Variants in INPP4B observed in about 807,000 individuals in gnomAD.
INPP4B encodes the protein inositol polyphosphate 4-phosphatase type II.
INPP4B carries 55 observed loss-of-function variants against 122.5 expected under a neutral mutation model. That is an observed-to-expected ratio of 0.45 (90% confidence interval 0.36 to 0.56). The LOEUF (loss-of-function observed/expected upper bound fraction) is 0.56. INPP4B is among the 20% of genes least tolerant of loss of function. The pLI, the probability that INPP4B is intolerant of heterozygous loss-of-function variation, is 0.00. For synonymous variants in INPP4B, 403 were observed against 388.7 expected, an observed-to-expected ratio of 1.04 and a Z score of -0.43; for missense variants, 1,000 against 1,097.7, an observed-to-expected ratio of 0.91 and a Z score of 1.26.
chr4:142,281,093 A>G (rs1750978397), intron 9 of INPP4B, among the ~76,000 whole-genome samples: 1 of 148,642 alleles, frequency 6.7e-6, no homozygotes, highest in Non-Finnish European at 1.5e-5. Context: ...CTTTTTGTTA[A>G]GTTCATTTAT....
chr4:142,390,412 A>G (rs1797289830), intron 7 of INPP4B, among the ~76,000 whole-genome samples: 1 of 152,182 alleles, frequency 6.6e-6, no homozygotes, highest in East Asian at 1.9e-4. Flanking sequence ...TTTTGGCTAA[A>G]TGAATGACTT....
chr4:142,073,803 G>C (rs1209297350), intron 25 of INPP4B, among the ~76,000 whole-genome samples: 1 of 152,014 alleles, frequency 6.6e-6, no homozygotes, highest in Non-Finnish European at 1.5e-5. Flanking sequence ...TGGCATAACT[G>C]CTCTCCATAG....
intron 2 of INPP4B, among the ~76,000 whole-genome samples, chr4:142,488,806 G>C (rs908824658): frequency 6.6e-6 from 1 of 151,742 alleles, no homozygotes; most frequent in Admixed American, 6.6e-5. Flanking sequence ...CCTTCTGATT[G>C]ATCTTTTGAA....
intron 2 of INPP4B, among the ~76,000 whole-genome samples, chr4:142,493,838 G>A (rs995523404): frequency 6.6e-6 from 1 of 152,098 alleles, no homozygotes; most frequent in African/African-American, 2.4e-5. Context: ...TGAAATGTAA[G>A]GAAATGAGAA....
intron 16 of INPP4B, among the ~76,000 whole-genome samples, chr4:142,169,756 CA>C (rs1824625439): frequency 6.6e-6 from 1 of 151,588 alleles, no homozygotes; most frequent in African/African-American, 2.4e-5. Flanking sequence ...TAAAACACCC[CA>C]TTCTTTTAAA....
chr4:142,300,081 A>T (rs1345182506), intron 9 of INPP4B, among the ~76,000 whole-genome samples: 6 of 152,216 alleles, frequency 3.9e-5, no homozygotes, highest in Admixed American at 3.9e-4. Flanking sequence ...TTCATTTGAA[A>T]ACAAAATTTG....
chr4:142,828,540 ATCT>A (rs1781723480), intron 1 of INPP4B, among the ~76,000 whole-genome samples: 1 of 151,432 alleles, frequency 6.6e-6, no homozygotes, highest in Non-Finnish European at 1.5e-5. Context: ...AGTCCATGAT[ATCT>A]TACAGAAAAA....
intron 1 of INPP4B, among the ~76,000 whole-genome samples, chr4:142,737,406 T>C (rs1388988854): frequency 5.3e-5 from 8 of 152,074 alleles, no homozygotes; most frequent in South Asian, 2.1e-4. Context: ...ACTGGCTAGC[T>C]ATATGTAGAA....
intron 3 of INPP4B, among the ~76,000 whole-genome samples, chr4:142,459,751 C>G (rs1466955823): frequency 6.6e-6 from 1 of 152,078 alleles, no homozygotes; most frequent in Non-Finnish European, 1.5e-5. Context: ...CTATCTGCGT[C>G]CTAGCACTGT....
At position 142,789,173 on chromosome 4, in the gene INPP4B, C is replaced by G. The variant is rs376313811; in HGVS notation, c.-254+57036G>C. The stretch of plus-strand genomic sequence containing the variant: ...AAAGCATTCCCTCTGAGAACTGGAA[C>G]AAGATAAGGATGGCCACTCTCATCA... On this transcript the variant is annotated intron_variant, in intron 1 of 25. Coordinates refer to ENST00000262992, the MANE Select transcript of INPP4B (RefSeq NM_001101669.3). 2.0e-5 allele frequency among the ~76,000 whole-genome samples: 3 copies of G among 152,052 alleles called. No individual in the cohort carries two copies. The East Asian group carries it at 5.8e-4, about 29-fold the overall frequency.
chr4:142,123,214 G>C (rs1419530999), intron 20 of INPP4B, 78 bp downstream of exon 20: 4 of 1,230,214 alleles, frequency 3.3e-6, no homozygotes, highest in African/African-American at 1.5e-5. Flanking sequence ...TTATTTTTAT[G>C]TTTTCTTGAA....
At chr4:142,619,821 A>G (rs926721080) in intron 2 of INPP4B, among the ~76,000 whole-genome samples, 2 of 152,010 alleles carry the variant, frequency 1.3e-5, no homozygotes, top group African/African-American at 2.4e-5. Context: ...TAGAGATTAT[A>G]TCTCAGGAGT....
chr4:142,240,262 A>G (rs1418518709), intron 11 of INPP4B, among the ~76,000 whole-genome samples: 1 of 151,576 alleles, frequency 6.6e-6, no homozygotes, highest in Admixed American at 6.6e-5. Flanking sequence ...CTTAAACTCC[A>G]AACTCCTGGG....
chr4:142,787,453 C>G (rs75100365), intron 1 of INPP4B, among the ~76,000 whole-genome samples: 190 of 152,228 alleles, frequency 1.2e-3, no homozygotes, highest in African/African-American at 4.5e-3. Flanking sequence ...CACCTTTATA[C>G]TGGATTGCCC....
At chr4:142,423,867 C>T in intron 5 of INPP4B, 1 of 415,172 alleles carries the variant, frequency 2.4e-6, no homozygotes, top group Admixed American at 3.0e-5. Flanking sequence ...ACCACTCTTC[C>T]CAAAGGATCA....
rs35788366 is a variant in INPP4B at position 142,550,620 on chromosome 4, ATTTTT to A, written c.-190-87899_-190-87895del. 7.2e-3 allele frequency among the ~76,000 whole-genome samples: 663 copies of A among 92,528 alleles called. 8 individuals are homozygous for A. Among genetic ancestry groups the A allele is most frequent in the African/African-American group, 0.013 (401 of 30,492 alleles). The allele number at this position is 92,528 out of a possible 152,430, so 60.7% of individuals were successfully genotyped here. On this transcript the variant is annotated intron_variant, in intron 2 of 25. Coordinates refer to ENST00000262992, the MANE Select transcript of INPP4B (RefSeq NM_001101669.3). ...CACACACACACATATATATATATATATTTTTTTTTTTACTTTACTGGCAAGAAACT... is the reference window on the plus strand; with the variant it reads ...CACACACACACATATATATATATATATTTTTTACTTTACTGGCAAGAAACT...
At chr4:142,087,475 C>G (rs1777415894) in intron 23 of INPP4B, among the ~76,000 whole-genome samples, 1 of 152,062 alleles carries the variant, frequency 6.6e-6, no homozygotes, top group Non-Finnish European at 1.5e-5. Context: ...GTGATAGAAA[C>G]AAAAAGACTG....
intron 7 of INPP4B, among the ~76,000 whole-genome samples, chr4:142,344,476 G>A (rs778131753): frequency 3.3e-5 from 5 of 151,918 alleles, no homozygotes. Context: ...AGCAAAGTCC[G>A]AGTTGACAGT....
At chr4:142,739,883 T>C (rs1358023157) in intron 1 of INPP4B, among the ~76,000 whole-genome samples, 1 of 152,062 alleles carries the variant, frequency 6.6e-6, no homozygotes, top group African/African-American at 2.4e-5. Context: ...TTCACATATA[T>C]ATTATTGCTC....
Sources: allele counts gnomAD v4.1 joint callset (sites outside exome capture counted in the v4.1 genomes callset), GRCh38; gene constraint gnomAD v4.1.1; transcripts MANE v1.5; gene names NCBI Gene and HGNC (gene_info 2026-07-23, HGNC 2026-07-21).